The following CAPN10 variants were observed in gnomAD, a reference collection of about 807,000 sequenced individuals.
CAPN10 encodes the protein calpain-10.
A neutral mutation model predicts 78.4 loss-of-function variants in CAPN10; 71 were observed. The observed-to-expected ratio is 0.91, with a 90% CI of 0.75 to 1.10. The LOEUF is 1.10. Among genes scored for constraint, CAPN10 ranks in the 50% least tolerant of loss-of-function variants. The probability of loss-of-function intolerance (pLI) is 0.00; values close to 1 mark genes in which losing one functional copy is unlikely to be tolerated. For synonymous variants in CAPN10, 437 were observed against 407.2 expected (o/e 1.07, Z -0.88); for missense variants, 849 against 924.6 (o/e 0.92, Z 1.06).
intron 7 of CAPN10, 126 bp from the exon 8 acceptor site, chr2:240,596,193 G>A: frequency 1.4e-6 from 2 of 1,477,724 alleles, no homozygotes; most frequent in Non-Finnish European, 1.8e-6. Context: ...GGTGGAGGGT[G>A]CTGACAGGCC....
chr2:240,587,554 T>C (rs2093076559), intron 1 of CAPN10, among the ~76,000 whole-genome samples: 1 of 152,232 alleles, frequency 6.6e-6, no homozygotes, highest in Non-Finnish European at 1.5e-5. Context: ...CCGAGTGCTG[T>C]GTTCATATTT....
chr2:240,589,030 G>C (rs184876236), intron 1 of CAPN10, among the ~76,000 whole-genome samples: 11 of 152,254 alleles, frequency 7.2e-5, no homozygotes. Flanking sequence ...GGACACATTT[G>C]AGATTTACCA....
intron 5 of CAPN10, 123 bp from the exon 6 acceptor site, chr2:240,594,420 C>A: frequency 2.1e-6 from 2 of 951,520 alleles, no homozygotes; most frequent in South Asian, 3.2e-5. Flanking sequence ...AGAGCTGGGG[C>A]ACGGGGTTGC....
At position 240,595,091 on chromosome 2, in the gene CAPN10, C is replaced by T. The variant is rs947942331; in HGVS notation, c.1065C>T (p.Cys355=). ...AWVKGQSAGG[C]RNNSGFPSNP... ...TCAAGGGCCAGTCAGCAGGAGGCTGCCGGAACAACAGCGGCTTTCCCAGCA... is the reference window on the plus strand; with the variant it reads ...TCAAGGGCCAGTCAGCAGGAGGCTGTCGGAACAACAGCGGCTTTCCCAGCA... The change falls in exon 7 of 12, where the codon TGC becomes TGT. Residue 355 remains cysteine, a synonymous_variant. Coordinates refer to ENST00000391984, the MANE Select transcript of CAPN10 (RefSeq NM_023083.4). 6.2e-7 allele frequency: 1 copy of T among 1,613,788 alleles called. No homozygotes were observed. Among genetic ancestry groups the T allele is most frequent in the African/African-American group, 1.3e-5 (1 of 75,062 alleles).
intron 5 of CAPN10, 115 bp downstream of exon 5, chr2:240,594,162 C>A: frequency 1.8e-6 from 2 of 1,088,066 alleles, no homozygotes; most frequent in Non-Finnish European, 1.3e-6. Flanking sequence ...TCCAGCAAGG[C>A]CCCTGAGTCC....
At position 240,586,858 on chromosome 2, in the gene CAPN10, C is replaced by T; in HGVS notation, c.-54C>T. ...GGCGGCGGCTGACTCGCCTTCTCTC[C>T]GGGGCTGCGACCCCGAGGCAACCGG... On this transcript the variant is annotated 5_prime_UTR_variant, in exon 1 of 12. Transcript: ENST00000391984. The T allele has an allele frequency of 2.3e-6, 3 of 1,324,532 alleles. No individual in the cohort carries two copies. Among genetic ancestry groups the T allele is most frequent in the Non-Finnish European group, 9.6e-7 (1 of 1,041,008 alleles). 82.0% of individuals were successfully genotyped at this position (1,324,532 alleles called of 1,614,324 possible).
intron 5 of CAPN10, 68 bp downstream of exon 5, chr2:240,594,115 TG>T (rs2093120528): frequency 6.8e-7 from 1 of 1,464,960 alleles, no homozygotes; most frequent in Admixed American, 2.1e-5. Context: ...GCCTGTGTCC[TG>T]GTCACCTTCA....
Position 240,586,998 on chromosome 2 carries a change from C to G in CAPN10, c.87C>G (p.Asp29Glu). ...FPAADSSLFC[D>E]LSTPLAQFRE... ...CCGCGGACTCCTCGCTCTTCTGCGA[C>G]TTGTCTACGCCGCTGGCCCAGTTCC... Residue 29 changes from aspartate (D) to glutamate (E), a missense_variant, in exon 1 of 12, where the codon GAC becomes GAG. By Grantham distance (45) the Asp-to-Glu change is conservative. Coordinates refer to ENST00000391984, the MANE Select transcript of CAPN10 (RefSeq NM_023083.4). 6.7e-7 allele frequency: 1 copy of G among 1,486,460 alleles called. No homozygotes were observed. The highest frequency in any genetic ancestry group is 8.9e-7 in the Non-Finnish European group (1 of 1,117,494). The allele number at this position is 1,486,460 out of a possible 1,614,324, so 92.1% of individuals were successfully genotyped here.
At chr2:240,597,460 C>T (rs2093144105) in intron 9 of CAPN10, among the ~76,000 whole-genome samples, 1 of 152,186 alleles carries the variant, frequency 6.6e-6, no homozygotes, top group Non-Finnish European at 1.5e-5. Flanking sequence ...TCTCTGCAGA[C>T]ATGTGTCCCC....
intron 4 of CAPN10, chr2:240,592,589 G>A (rs1017495262): frequency 2.4e-5 from 11 of 450,314 alleles, no homozygotes; most frequent in African/African-American, 1.0e-4. Flanking sequence ...TGGGAGTATC[G>A]CTGGAGCCCA....
rs760677320 is a variant in CAPN10, at chr2:240,596,531, A to G, written c.1481+10A>G. On this transcript the variant is annotated intron_variant, in intron 8 of 11. Coordinates refer to ENST00000391984, the MANE Select transcript of CAPN10 (RefSeq NM_023083.4). ...GGCGAGTCTCCCTTAGGTGAGAGGAACCGCGCAGTGCTGCTGGCTCTCCGA... is the reference window on the plus strand; with the variant it reads ...GGCGAGTCTCCCTTAGGTGAGAGGAGCCGCGCAGTGCTGCTGGCTCTCCGA... 5 of 1,594,544 alleles carry G rather than the reference A, an allele frequency of 3.1e-6. No individual in the cohort carries two copies. Among genetic ancestry groups the G allele is most frequent in the Non-Finnish European group, 4.3e-6 (5 of 1,166,926 alleles).
intron 1 of CAPN10, 28 bp from the exon 2 acceptor site, chr2:240,589,315 T>G (rs779259579): frequency 1.2e-5 from 20 of 1,613,996 alleles, no homozygotes; most frequent in Non-Finnish European, 8.5e-7. Flanking sequence ...AGGCATGATC[T>G]AACTCTGGAC....
rs943083214 is a variant in CAPN10, at chr2:240,591,826, G to A, written c.471-107G>A. The A allele has an allele frequency of 2.1e-4, 198 of 931,184 alleles. 2 individuals carry two copies. The highest frequency in any genetic ancestry group is 4.5e-5 in the Non-Finnish European group (27 of 605,910). The allele number at this position is 931,184 out of a possible 1,614,324, so 57.7% of individuals were successfully genotyped here. A position where few individuals can be genotyped will look rare whatever the true frequency, so the allele number is the denominator to read the frequency against. ...AAGGCAGAGGGGAGTAAAGAGGTGGGATTGAGGCAGCGGTTGGACGATTTG... is the reference window on the plus strand; with the variant it reads ...AAGGCAGAGGGGAGTAAAGAGGTGGAATTGAGGCAGCGGTTGGACGATTTG... On this transcript the variant is annotated intron_variant, in intron 3 of 11. Coordinates refer to ENST00000391984, the MANE Select transcript of CAPN10 (RefSeq NM_023083.4).
At chr2:240,589,069 G>A (rs2093085303) in intron 1 of CAPN10, among the ~76,000 whole-genome samples, 1 of 152,232 alleles carries the variant, frequency 6.6e-6, no homozygotes, top group Non-Finnish European at 1.5e-5. Context: ...ACTTTTCGAA[G>A]CCAACATTTA....
rs1295695376 is a variant in CAPN10 at position 240,586,983 on chromosome 2, C to T, written c.72C>T (p.Ser24=). 6.7e-7 allele frequency: 1 copy of T among 1,485,884 alleles called. No homozygotes were observed. Among genetic ancestry groups the T allele is most frequent in the Non-Finnish European group, 8.9e-7 (1 of 1,117,650 alleles). 92.0% of individuals were successfully genotyped at this position (1,485,884 alleles called of 1,614,324 possible). Residue 24 remains serine (S), a synonymous_variant, in exon 1 of 12, where the codon TCC becomes TCT. Transcript: ENST00000391984. Reference sequence around the variant, plus strand: ...ACGCCGCCTTCCCCGCCGCGGACTCCTCGCTCTTCTGCGACTTGTCTACGC... The same window carrying T: ...ACGCCGCCTTCCCCGCCGCGGACTCTTCGCTCTTCTGCGACTTGTCTACGC... The part of the protein sequence containing the change: ...FRDAAFPAAD[S]SLFCDLSTPL...
At chr2:240,592,260 T>G in intron 4 of CAPN10, 110 bp downstream of exon 4, 1 of 938,608 alleles carries the variant, frequency 1.1e-6, no homozygotes, top group Non-Finnish European at 1.6e-6. Flanking sequence ...CTGTCAGGAC[T>G]AAGTGGGAAG....
intron 10 of CAPN10, 70 bp downstream of exon 10, chr2:240,598,157 C>T (rs2093149386): frequency 2.1e-6 from 3 of 1,451,398 alleles, no homozygotes; most frequent in Admixed American, 3.5e-5. Flanking sequence ...TCGCCTGTCC[C>T]CCCACGTCTC....
At chr2:240,590,580 G>A in intron 2 of CAPN10, 7 of 507,696 alleles carry the variant, frequency 1.4e-5, no homozygotes, top group South Asian at 8.1e-5. Flanking sequence ...AGTTCTCTGC[G>A]ACATCCAGGT....
rs918695213 is a variant in CAPN10, at chr2:240,596,390, A to T, written c.1350A>T (p.Ala450=). Residue 450 remains alanine (A), a synonymous_variant, in exon 8 of 12, where the codon GCA becomes GCT. Transcript: ENST00000391984. ...MPPVAGTACH[A]YDREVHLRCE... ...CCGTGGCTGGCACCGCGTGCCATGC[A>T]TACGACCGGGAGGTCCACCTGCGTT... 79 of 1,613,250 alleles carry T rather than the reference A, an allele frequency of 4.9e-5. No homozygotes were observed. The highest frequency in any genetic ancestry group is 6.3e-5 in the Non-Finnish European group (74 of 1,179,904).
Sources: gnomAD v4.1 joint callset for allele counts (sites outside exome capture counted in the v4.1 genomes callset) on GRCh38, gnomAD v4.1.1 for gene constraint, MANE v1.5 for transcripts, NCBI Gene and HGNC (gene_info 2026-07-23, HGNC 2026-07-21) for gene names.